CDK5RAP2: variants seen among roughly 807,000 people sequenced by gnomAD.
CDK5RAP2 encodes the protein CDK5 regulatory subunit-associated protein 2.
Under a neutral mutation model 232.9 loss-of-function variants are expected in CDK5RAP2, and 147 were observed. The ratio of observed to expected loss-of-function variants is 0.63; its 90% CI spans 0.55 to 0.72. The LOEUF is 0.72. CDK5RAP2 is among the 30% of genes least tolerant of loss of function. The pLI is 0.00. For synonymous variants in CDK5RAP2, 833 were observed against 833.7 expected, an observed-to-expected ratio of 1.00 and a Z score of 0.01; for missense variants, 2,195 against 2,231.5, an observed-to-expected ratio of 0.98 and a Z score of 0.33.
intron 35 of CDK5RAP2, among the ~76,000 whole-genome samples, chr9:120,398,356 G>T (rs2032705812): frequency 1.3e-5 from 2 of 152,012 alleles, no homozygotes; most frequent in African/African-American, 4.8e-5. Context: ...TAATAATTCA[G>T]AATATGAATA....
intron 4 of CDK5RAP2, among the ~76,000 whole-genome samples, chr9:120,548,601 G>A (rs13286123): frequency 6.6e-6 from 1 of 152,186 alleles, no homozygotes. Context: ...GAGGCTAGAA[G>A]TTCAAGACCA....
At chr9:120,444,827 A>C (rs889285927) in intron 22 of CDK5RAP2, among the ~76,000 whole-genome samples, 10 of 152,218 alleles carry the variant, frequency 6.6e-5, no homozygotes, top group Admixed American at 6.5e-4. Context: ...AAGTCACTTT[A>C]TCTCTGAAAC....
chr9:120,403,646 A>G lies in CDK5RAP2; in HGVS notation c.5041+390T>C. 1 of 333,664 alleles carries G rather than the reference A, an allele frequency of 3.0e-6. No individual in the cohort carries two copies. Among genetic ancestry groups the G allele is most frequent in the Non-Finnish European group, 5.7e-6 (1 of 174,276 alleles). The allele number at this position is 333,664 out of a possible 1,614,324, so 20.7% of individuals were successfully genotyped here. On this transcript the variant is annotated intron_variant, in intron 33 of 37. Coordinates refer to ENST00000349780, the MANE Select transcript of CDK5RAP2 (RefSeq NM_018249.6). This position sits in a 1 kb window ranked among gnomAD's most constrained non-coding sequence, Gnocchi z 4.2. Reference sequence around the variant, plus strand: ...GGGACTTCTACCGGCAAAGAGTGGGACAAAGGGGGTCTAAAAGTCACAGTG... The same window carrying G: ...GGGACTTCTACCGGCAAAGAGTGGGGCAAAGGGGGTCTAAAAGTCACAGTG...
intron 4 of CDK5RAP2, among the ~76,000 whole-genome samples, chr9:120,548,242 C>T (rs2041921225): frequency 6.6e-6 from 1 of 152,208 alleles, no homozygotes; most frequent in Non-Finnish European, 1.5e-5. Flanking sequence ...AATGCAGAAA[C>T]ATCCTTCAAA....
intron 24 of CDK5RAP2, among the ~76,000 whole-genome samples, chr9:120,439,173 G>A (rs1303443477): frequency 2.6e-5 from 4 of 152,156 alleles, no homozygotes; most frequent in Admixed American, 6.5e-5. Context: ...GAGGACCCAA[G>A]ACTCGTAACT....
intron 3 of CDK5RAP2, among the ~76,000 whole-genome samples, chr9:120,555,808 C>T (rs1043441501): frequency 2.0e-5 from 3 of 152,230 alleles, no homozygotes; most frequent in Non-Finnish European, 4.4e-5. Flanking sequence ...GAAACTCTTA[C>T]GTCCCTCAGA....
chr9:120,541,851 C>T (rs1389847812), intron 5 of CDK5RAP2, among the ~76,000 whole-genome samples: 1 of 152,300 alleles, frequency 6.6e-6, no homozygotes, highest in Non-Finnish European at 1.5e-5. Flanking sequence ...CCCTTTCTTT[C>T]CTTGCAGAAT....
At chr9:120,545,846 T>G (rs763557359) in intron 4 of CDK5RAP2, 56 bp from the exon 5 acceptor site, 140 of 1,356,738 alleles carry the variant, frequency 1.0e-4, no homozygotes, top group Non-Finnish European at 1.4e-4. Context: ...GACCTATGAA[T>G]GTCAACAATG....
chr9:120,396,653 C>CTGT (rs2032493434), intron 35 of CDK5RAP2, among the ~76,000 whole-genome samples: 1 of 152,200 alleles, frequency 6.6e-6, no homozygotes, highest in African/African-American at 2.4e-5. Context: ...ACTGACCACA[C>CTGT]ACTCATTTCC....
chr9:120,448,154 T>G, intron 21 of CDK5RAP2, 28 bp from the exon 22 acceptor site: 8 of 1,515,584 alleles, frequency 5.3e-6, no homozygotes, highest in Non-Finnish European at 7.3e-6. Context: ...CAACAATGAA[T>G]ACACTTTGAA....
rs1203891516 is a variant in CDK5RAP2, at chr9:120,403,151, T to A, written c.5042-80A>T. 3 of 1,479,390 alleles carry A rather than the reference T, an allele frequency of 2.0e-6. No individual in the cohort carries two copies. The highest frequency in any genetic ancestry group is 2.8e-6 in the Non-Finnish European group (3 of 1,062,968). The allele number at this position is 1,479,390 out of a possible 1,614,324, so 91.6% of individuals were successfully genotyped here. ...AGACGCTTATGATGTTGAAGCTAGC[T>A]AGGAGGGCTAGAAGAGGCCCTCGTG... is the stretch of plus-strand genomic sequence containing the variant. On this transcript the variant is annotated intron_variant, in intron 33 of 37. Coordinates refer to ENST00000349780, the MANE Select transcript of CDK5RAP2 (RefSeq NM_018249.6). The surrounding 1 kb of genome is among the most constrained non-coding windows in gnomAD (Gnocchi z 4.2).
intron 15 of CDK5RAP2, among the ~76,000 whole-genome samples, chr9:120,474,005 C>A (rs552552924): frequency 3.3e-5 from 5 of 152,292 alleles, no homozygotes; most frequent in African/African-American, 9.6e-5. Flanking sequence ...TGGGGCAGGG[C>A]AGACAGGAGC....
At chr9:120,408,106 G>C in intron 31 of CDK5RAP2, 1 of 541,896 alleles carries the variant, frequency 1.8e-6, no homozygotes. Flanking sequence ...ACATAGCTGG[G>C]AACAAGTGAG....
chr9:120,436,562 G>A (rs140234077), intron 25 of CDK5RAP2, among the ~76,000 whole-genome samples: 8 of 152,256 alleles, frequency 5.3e-5, no homozygotes, highest in Middle Eastern at 3.4e-3. Flanking sequence ...GGTTATGCAC[G>A]AGAATTTCCT....
intron 34 of CDK5RAP2, 40 bp from the exon 35 acceptor site, chr9:120,400,925 A>G: frequency 6.2e-7 from 1 of 1,612,796 alleles, no homozygotes; most frequent in Non-Finnish European, 8.5e-7. Context: ...GCAGTCTTGA[A>G]AAAGATTTTA....
At chr9:120,450,708 GAAGTA>G (rs796692067) in intron 21 of CDK5RAP2, among the ~76,000 whole-genome samples, 60 of 152,288 alleles carry the variant, frequency 3.9e-4, no homozygotes, top group African/African-American at 1.2e-3. Context: ...CCATAATCCA[GAAGTA>G]AACTCTGCAT....
intron 18 of CDK5RAP2, among the ~76,000 whole-genome samples, chr9:120,461,485 C>A (rs2037085321): frequency 6.6e-6 from 1 of 152,168 alleles, no homozygotes; most frequent in African/African-American, 2.4e-5. Context: ...AGGTGGCCAG[C>A]CACTCCCGGA....
At chr9:120,448,149 ATGAATACACTT>A in intron 21 of CDK5RAP2, 23 bp from the exon 22 acceptor site, 1 of 1,543,840 alleles carries the variant, frequency 6.5e-7, no homozygotes, top group Non-Finnish European at 9.0e-7. Context: ...ATATGCAACA[ATGAATACACTT>A]TGAACACACT....
intron 35 of CDK5RAP2, among the ~76,000 whole-genome samples, chr9:120,397,065 G>T (rs2032530161): frequency 6.6e-6 from 1 of 152,242 alleles, no homozygotes; most frequent in Non-Finnish European, 1.5e-5. Context: ...GAGGTCACCA[G>T]AAGAACCCTT....
Sources: allele counts gnomAD v4.1 joint callset (sites outside exome capture counted in the v4.1 genomes callset), GRCh38; gene constraint gnomAD v4.1.1; non-coding constraint Gnocchi (gnomAD v3.1); transcripts MANE v1.5; gene names NCBI Gene and HGNC (gene_info 2026-07-23, HGNC 2026-07-21).